Variants in MCOLN2 observed in about 807,000 individuals in gnomAD.
MCOLN2 encodes the protein mucolipin TRP cation channel 2, also known as mucolipin-2.
Under a neutral mutation model 67.5 loss-of-function variants are expected in MCOLN2, and 57 were observed. The observed-to-expected ratio is 0.84, with a 90% confidence interval of 0.68 to 1.05. MCOLN2 has a LOEUF of 1.05. Among genes scored for constraint, MCOLN2 ranks in the 50% least tolerant of loss-of-function variants. The probability of loss-of-function intolerance (pLI) is 0.00; values close to 1 mark genes in which losing one functional copy is unlikely to be tolerated. For synonymous variants in MCOLN2, 246 were observed against 233.3 expected (o/e 1.05, Z -0.50); for missense variants, 620 against 678.8 (o/e 0.91, Z 0.96).
intron 13 of MCOLN2, among the ~76,000 whole-genome samples, chr1:84,929,020 T>C (rs1202031317): frequency 6.6e-6 from 1 of 152,218 alleles, no homozygotes; most frequent in East Asian, 1.9e-4. Flanking sequence ...CTATGTAATA[T>C]GCTTTGTCCA....
intron 6 of MCOLN2, among the ~76,000 whole-genome samples, 167 bp from the exon 7 acceptor site, chr1:84,947,299 C>T (rs1340722097): frequency 1.4e-5 from 2 of 142,632 alleles, no homozygotes; most frequent in Admixed American, 6.7e-5. Flanking sequence ...ATTTCCTGCA[C>T]CCCCCACCAC....
chr1:84,947,807 C>G (rs1170166640), intron 6 of MCOLN2, among the ~76,000 whole-genome samples: 2 of 152,248 alleles, frequency 1.3e-5, no homozygotes, highest in Non-Finnish European at 2.9e-5. Flanking sequence ...GTCTCTCCAT[C>G]CCTGAAGTCC....
chr1:84,951,988 G>A (rs1648505717), intron 6 of MCOLN2, among the ~76,000 whole-genome samples: 1 of 152,216 alleles, frequency 6.6e-6, no homozygotes, highest in African/African-American at 2.4e-5. Context: ...TTGGGAGGCT[G>A]AGGCATGAGA....
chr1:84,945,133 G>A (rs940006901), intron 7 of MCOLN2, among the ~76,000 whole-genome samples: 5 of 152,096 alleles, frequency 3.3e-5, no homozygotes, highest in African/African-American at 1.2e-4. Flanking sequence ...CACAGGAGGG[G>A]GCTAGAGATA....
intron 7 of MCOLN2, among the ~76,000 whole-genome samples, chr1:84,942,141 C>A (rs1367837498): frequency 6.6e-6 from 1 of 152,208 alleles, no homozygotes; most frequent in Non-Finnish European, 1.5e-5. Context: ...AATGAAAAAT[C>A]TCCCATCTCA....
chr1:84,983,294 G>T (rs1650350671), intron 1 of MCOLN2, among the ~76,000 whole-genome samples: 1 of 151,872 alleles, frequency 6.6e-6, no homozygotes, highest in South Asian at 2.1e-4. Flanking sequence ...TTTTGAGATA[G>T]GATCTCACTC....
intron 7 of MCOLN2, among the ~76,000 whole-genome samples, chr1:84,942,757 T>C (rs1165843997): frequency 3.9e-5 from 6 of 152,128 alleles, no homozygotes; most frequent in Non-Finnish European, 7.3e-5. Context: ...CCCTCATAAA[T>C]GGATTAATCC....
chr1:84,944,886 C>T (rs1199243603), intron 7 of MCOLN2, among the ~76,000 whole-genome samples: 1 of 152,180 alleles, frequency 6.6e-6, no homozygotes, highest in African/African-American at 2.4e-5. Flanking sequence ...CCACTTCCCC[C>T]AAAGCCAAGG....
At chr1:84,928,725 T>A (rs1661271926) in intron 13 of MCOLN2, among the ~76,000 whole-genome samples, 1 of 152,218 alleles carries the variant, frequency 6.6e-6, no homozygotes, top group African/African-American at 2.4e-5. Context: ...GATCTCATTT[T>A]CTATTTACCA....
intron 4 of MCOLN2, 62 bp downstream of exon 4, chr1:84,956,369 A>T: frequency 6.5e-7 from 1 of 1,544,008 alleles, no homozygotes; most frequent in East Asian, 2.3e-5. Context: ...CTAGCACATG[A>T]GGGCATTTCT....
chr1:84,965,626 C>T lies in MCOLN2; in HGVS notation c.160G>A (p.Glu54Lys). The T allele has an allele frequency of 1.9e-6, 3 of 1,614,058 alleles. No individual in the cohort carries two copies. The highest frequency in any genetic ancestry group is 2.5e-6 in the Non-Finnish European group (3 of 1,179,954). Residue 54 changes from glutamate (E) to lysine (K), a missense_variant, in exon 2 of 14, where the codon GAA becomes AAA. Physicochemically the swap from Glu to Lys is moderately conservative, Grantham distance 56. Transcript: ENST00000370608. ...ATCTGGCGTCTGGCTCGGTATTTTT[C>T]ACAAGGGCTCATGAAGTAAAACTTC... ...DLKFYFMSPCEKYRARRQIPW... is the reference protein window; with the variant it reads ...DLKFYFMSPCKKYRARRQIPW...
At chr1:84,964,878 A>AAAAAACAGAT in intron 2 of MCOLN2, among the ~76,000 whole-genome samples, 1 of 151,796 alleles carries the variant, frequency 6.6e-6, no homozygotes, top group East Asian at 1.9e-4. Context: ...GAGCAGCTAA[A>AAAAAACAGAT]AAAACAGATA....
chr1:84,978,718 T>G (rs10873669), intron 1 of MCOLN2, among the ~76,000 whole-genome samples: 1 of 151,816 alleles, frequency 6.6e-6, no homozygotes, highest in Non-Finnish European at 1.5e-5. Flanking sequence ...TCTCCCAGCA[T>G]AGAAAAGCCC....
chr1:84,935,426 A>C lies in MCOLN2; in HGVS notation c.1335+2329T>G, dbSNP rs574275117. On this transcript the variant is annotated intron_variant, in intron 11 of 13. Coordinates refer to ENST00000370608, the MANE Select transcript of MCOLN2 (RefSeq NM_153259.4). Reference sequence around the variant, plus strand: ...GGAAAGCTAACATTAAGTGAAAGACATAAGTCTAGAGCTGCAATGTCCATA... The same window carrying C: ...GGAAAGCTAACATTAAGTGAAAGACCTAAGTCTAGAGCTGCAATGTCCATA... Among the ~76,000 whole-genome samples, 6 of 152,302 alleles carry C rather than the reference A, an allele frequency of 3.9e-5. No homozygotes were observed. In the East Asian group the frequency reaches 1.2e-3, roughly 29 times the overall value.
chr1:84,972,370 T>C (rs1649743285), intron 1 of MCOLN2, among the ~76,000 whole-genome samples: 2 of 152,192 alleles, frequency 1.3e-5, no homozygotes, highest in Non-Finnish European at 2.9e-5. Flanking sequence ...TGATCTGGAT[T>C]TTTATAAGCT....
At chr1:84,978,397 A>C (rs1650096321) in intron 1 of MCOLN2, among the ~76,000 whole-genome samples, 1 of 130,860 alleles carries the variant, frequency 7.6e-6, no homozygotes, top group Non-Finnish European at 1.7e-5. Flanking sequence ...GCAGAAATAA[A>C]TGAAACTGAA....
At chr1:84,932,573 C>A (rs1008601717) in intron 11 of MCOLN2, among the ~76,000 whole-genome samples, 2 of 151,512 alleles carry the variant, frequency 1.3e-5, no homozygotes, top group Non-Finnish European at 2.9e-5. Context: ...CTTTTCACCA[C>A]CCTAACCAGA....
chr1:84,973,577 T>C (rs548227393), intron 1 of MCOLN2, among the ~76,000 whole-genome samples: 21 of 152,318 alleles, frequency 1.4e-4, no homozygotes, highest in South Asian at 1.0e-3. Flanking sequence ...AGGGGGTTCA[T>C]GGTGGTACCC....
chr1:84,928,355 G>A (rs774088250), intron 13 of MCOLN2, among the ~76,000 whole-genome samples: 11 of 152,106 alleles, frequency 7.2e-5, no homozygotes, highest in East Asian at 1.9e-4. Context: ...TGCTCCTTGC[G>A]TCTCACCACT....
Sources: allele counts gnomAD v4.1 joint callset (sites outside exome capture counted in the v4.1 genomes callset), GRCh38; gene constraint gnomAD v4.1.1; transcripts MANE v1.5; gene names NCBI Gene and HGNC (gene_info 2026-07-23, HGNC 2026-07-21).